The following RBFOX1 variants were observed in gnomAD, a reference collection of about 807,000 sequenced individuals.
RBFOX1 encodes the protein RNA binding protein fox-1 homolog 1.
RBFOX1 carries 8 observed loss-of-function variants against 57.7 expected under a neutral mutation model. That is an observed-to-expected ratio of 0.14 (90% CI 0.08 to 0.25). The LOEUF is 0.25. RBFOX1 is among the 10% of genes least tolerant of loss of function. The probability of loss-of-function intolerance (pLI) is 1.00; values close to 1 mark genes in which losing one functional copy is unlikely to be tolerated. For synonymous variants in RBFOX1, 326 were observed against 222.4 expected (o/e 1.47, Z -4.15); for missense variants, 611 against 548.5 (o/e 1.11, Z -1.14).
At chr16:5,304,322 C>A (rs1269622260) in intron 1 of RBFOX1, among the ~76,000 whole-genome samples, 1 of 152,216 alleles carries the variant, frequency 6.6e-6, no homozygotes, top group Non-Finnish European at 1.5e-5. Flanking sequence ...AATCAGGAGG[C>A]TCCTAAGTGG....
chr16:5,293,830 T>G (rs1052027990), intron 1 of RBFOX1, among the ~76,000 whole-genome samples: 2 of 152,168 alleles, frequency 1.3e-5, no homozygotes, highest in African/African-American at 4.8e-5. Flanking sequence ...GAAAATGTTT[T>G]GCAACTAGAC....
chr16:6,875,221 T>C (rs987445157), intron 3 of RBFOX1, among the ~76,000 whole-genome samples: 3 of 152,212 alleles, frequency 2.0e-5, no homozygotes, highest in African/African-American at 7.2e-5. Flanking sequence ...GATGATGATA[T>C]TATCACTATT....
chr16:5,770,541 C>G (rs897070532), intron 3 of RBFOX1, among the ~76,000 whole-genome samples: 3 of 152,196 alleles, frequency 2.0e-5, no homozygotes, highest in African/African-American at 4.8e-5. Flanking sequence ...CAACAGTCCA[C>G]AAGTGCTATC....
At chr16:7,354,744 T>G (rs1280541787) in intron 4 of RBFOX1, among the ~76,000 whole-genome samples, 1 of 152,216 alleles carries the variant, frequency 6.6e-6, no homozygotes, top group African/African-American at 2.4e-5. Flanking sequence ...TATTTAAATT[T>G]AATTAAAATT....
At chr16:5,458,939 C>G (rs1397484382) in intron 1 of RBFOX1, among the ~76,000 whole-genome samples, 1 of 152,176 alleles carries the variant, frequency 6.6e-6, no homozygotes, top group Admixed American at 6.5e-5. Context: ...GAGCACCTGG[C>G]TTCAACTCTT....
intron 1 of RBFOX1, chr16:5,289,250 C>G (rs1000639390): frequency 6.5e-5 from 25 of 384,346 alleles, no homozygotes; most frequent in Non-Finnish European, 1.2e-4. Flanking sequence ...ATGAGACGGG[C>G]AGGAGGTTTC....
At chr16:7,469,138 G>C (rs1205559359) in intron 4 of RBFOX1, among the ~76,000 whole-genome samples, 2 of 152,104 alleles carry the variant, frequency 1.3e-5, no homozygotes, top group Non-Finnish European at 2.9e-5. Flanking sequence ...GTTTGACCGT[G>C]TTAGCCAGGA....
Position 6,375,414 on chromosome 16 carries a change from AT to A in RBFOX1, c.-64+58369del, listed in dbSNP as rs71145222. On this transcript the variant is annotated intron_variant, in intron 2 of 15. Transcript: ENST00000550418. ...AGAACTTTGGGTGCAGCTCTAGAGTATTTTTTTTTTTTAACCCTCCTAGGAT... is the reference window on the plus strand; with the variant it reads ...AGAACTTTGGGTGCAGCTCTAGAGTATTTTTTTTTTTAACCCTCCTAGGAT... Among the ~76,000 whole-genome samples, 381 of 148,780 alleles carry A rather than the reference AT, an allele frequency of 2.6e-3. 3 individuals are homozygous for A. Among genetic ancestry groups the A allele is most frequent in the Middle Eastern group, 0.014 (4 of 284 alleles).
chr16:7,156,536 C>T lies in RBFOX1; in HGVS notation c.27+104438C>T, dbSNP rs577855072. ...ACATGCATGTAGATATATATGTGTACATATGCATGTAGATATACATATGTG... is the reference window on the plus strand; with the variant it reads ...ACATGCATGTAGATATATATGTGTATATATGCATGTAGATATACATATGTG... On this transcript the variant is annotated intron_variant, in intron 4 of 15. Coordinates refer to ENST00000550418, the MANE Select transcript of RBFOX1 (RefSeq NM_018723.4). Among the ~76,000 whole-genome samples the T allele has an allele frequency of 5.3e-5, 8 of 152,046 alleles. No homozygotes were observed. In the South Asian group the frequency reaches 1.5e-3, roughly 28 times the overall value.
At chr16:6,908,953 C>G (rs928372001) in intron 3 of RBFOX1, among the ~76,000 whole-genome samples, 1 of 152,148 alleles carries the variant, frequency 6.6e-6, no homozygotes, top group African/African-American at 2.4e-5. Flanking sequence ...GTGCTTCCCC[C>G]CAACACGCTC....
At position 5,998,164 on chromosome 16, in the gene RBFOX1, T is replaced by G. The variant is rs78065307; in HGVS notation, c.351+130829T>G. On this transcript the variant is annotated intron_variant, in intron 4 of 19. Transcript: ENST00000641259. ...CCAAGTCCCTGTACGAAGTCCCTGT[T>G]CATTCTGGTTTCATTTGTTTTGTTC... Among the ~76,000 whole-genome samples the G allele has an allele frequency of 7.6e-3, 1,155 of 152,314 alleles. 27 individuals are homozygous for G. Among genetic ancestry groups the G allele is most frequent in the African/African-American group, 0.026 (1,093 of 41,552 alleles).
At chr16:6,671,852 A>G (rs1011889397) in intron 3 of RBFOX1, among the ~76,000 whole-genome samples, 10 of 152,334 alleles carry the variant, frequency 6.6e-5, no homozygotes, top group Admixed American at 2.0e-4. Context: ...AGTAATTATA[A>G]GAGTTCATGA....
intron 3 of RBFOX1, among the ~76,000 whole-genome samples, chr16:6,936,035 C>T (rs915760022): frequency 6.6e-6 from 1 of 152,154 alleles, no homozygotes; most frequent in Non-Finnish European, 1.5e-5. Flanking sequence ...AGGGTTTCTT[C>T]TCAATGCGCA....
At chr16:5,643,708 C>G (rs1292664848) in intron 3 of RBFOX1, among the ~76,000 whole-genome samples, 1 of 152,072 alleles carries the variant, frequency 6.6e-6, no homozygotes, top group African/African-American at 2.4e-5. Flanking sequence ...CAGGATCGTG[C>G]CCTTTATTTT....
chr16:7,700,004 G>C (rs1374148754), intron 14 of RBFOX1, among the ~76,000 whole-genome samples: 1 of 152,090 alleles, frequency 6.6e-6, no homozygotes. Flanking sequence ...TGCTAGGTGG[G>C]TGTGTTGGTG....
At chr16:6,806,833 TA>T (rs1237854439) in intron 3 of RBFOX1, among the ~76,000 whole-genome samples, 2 of 75,258 alleles carry the variant, frequency 2.7e-5, no homozygotes, top group Non-Finnish European at 5.4e-5. Context: ...TATATATATA[TA>T]TATTTTTTTT....
At chr16:7,672,307 G>C (rs535384104) in intron 13 of RBFOX1, among the ~76,000 whole-genome samples, 78 of 152,286 alleles carry the variant, frequency 5.1e-4, no homozygotes, top group Middle Eastern at 6.8e-3. Context: ...CAAATAAGAT[G>C]AATGTCAAAC....
At chr16:6,866,467 T>C (rs972964745) in intron 3 of RBFOX1, among the ~76,000 whole-genome samples, 2 of 150,188 alleles carry the variant, frequency 1.3e-5, no homozygotes, top group East Asian at 2.0e-4. Flanking sequence ...GCAAAAAATA[T>C]ATAATGCAAA....
intron 3 of RBFOX1, among the ~76,000 whole-genome samples, chr16:5,656,639 T>G (rs1350871676): frequency 2.0e-5 from 3 of 152,230 alleles, no homozygotes; most frequent in Non-Finnish European, 4.4e-5. Flanking sequence ...TTAAGAACAC[T>G]TAACATAAGA....
Sources: allele counts gnomAD v4.1 joint callset (sites outside exome capture counted in the v4.1 genomes callset), GRCh38; gene constraint gnomAD v4.1.1; transcripts MANE v1.5; gene names NCBI Gene and HGNC (gene_info 2026-07-23, HGNC 2026-07-21).